MEP1B: variants seen among roughly 807,000 people sequenced by gnomAD.
MEP1B encodes the protein meprin A subunit beta, also known as N-benzoyl-L-tyrosyl-P-amino-benzoic acid hydrolase subunit beta.
Under a neutral mutation model 84.6 loss-of-function variants are expected in MEP1B, and 80 were observed. The observed-to-expected ratio is 0.95, with a 90% CI of 0.79 to 1.14. The LOEUF is 1.14. Ranked by LOEUF, MEP1B falls within the 50% of genes most tolerant of loss-of-function variation. The pLI is 0.00. For missense variants in MEP1B, 766 were observed against 855.1 expected (o/e 0.90, Z 1.30); for synonymous variants, 273 against 288.1 (o/e 0.95, Z 0.53).
chr18:32,192,844 T>C (rs976242556), intron 4 of MEP1B, 27 bp downstream of exon 4: 2 of 1,596,778 alleles, frequency 1.3e-6, no homozygotes, highest in African/African-American at 1.3e-5. Context: ...TAAGGAAGAA[T>C]CTTCCATTAA....
intron 9 of MEP1B, among the ~76,000 whole-genome samples, chr18:32,209,290 C>A (rs2040998148): frequency 1.3e-5 from 2 of 152,062 alleles, no homozygotes; most frequent in Non-Finnish European, 2.9e-5. Context: ...AGTTTGAGAC[C>A]AGCTGGGCCA....
chr18:32,201,335 G>A (rs999718400), intron 5 of MEP1B, among the ~76,000 whole-genome samples: 35 of 117,564 alleles, frequency 3.0e-4, no homozygotes, highest in African/African-American at 9.8e-4. Flanking sequence ...CACACACACG[G>A]CATACTATTT....
intron 2 of MEP1B, 31 bp downstream of exon 2, chr18:32,191,871 A>G (rs1206815669): frequency 1.4e-6 from 2 of 1,433,768 alleles, no homozygotes; most frequent in East Asian, 2.4e-5. Flanking sequence ...GTTCTAGGTT[A>G]TAGAGAACCT....
chr18:32,192,573 A>T (rs2040812518), intron 2 of MEP1B, 73 bp from the exon 3 acceptor site: 2 of 1,406,562 alleles, frequency 1.4e-6, no homozygotes, highest in South Asian at 2.3e-5. Context: ...AGTTCTGATT[A>T]TATAAATGAT....
intron 5 of MEP1B, among the ~76,000 whole-genome samples, chr18:32,199,464 G>A (rs1275332158): frequency 6.6e-6 from 1 of 152,158 alleles, no homozygotes; most frequent in African/African-American, 2.4e-5. Flanking sequence ...ACTAACAGTA[G>A]GGTAGGGAAA....
In MEP1B at chr18:32,213,107, C is replaced by T. The variant is rs199858802; in HGVS notation, c.1136-9C>T. On this transcript the variant is annotated splice_polypyrimidine_tract_variant and intron_variant, in intron 10 of 14. Transcript: ENST00000269202. The stretch of plus-strand genomic sequence containing the variant: ...CTTTGTCTTTGAAATAATAATGACT[C>T]TTTTGCAGAAATACCCACTGGGAGC... The T allele has an allele frequency of 3.7e-6, 6 of 1,609,902 alleles. No individual in the cohort carries two copies. The highest frequency in any genetic ancestry group is 4.2e-6 in the Non-Finnish European group (5 of 1,176,726).
rs886433982 is a variant in MEP1B, at chr18:32,196,506, G to T, written c.250+1021G>T. On this transcript the variant is annotated intron_variant, in intron 5 of 14. Transcript: ENST00000269202. This position sits in a 1 kb window ranked among gnomAD's most constrained non-coding sequence, Gnocchi z 4.4. Reference sequence around the variant, plus strand: ...CTCAGCTTTGCTCTCATAGACCGAGGTGATGAGGTGGTGGCCAAGGGCCAC... The same window carrying T: ...CTCAGCTTTGCTCTCATAGACCGAGTTGATGAGGTGGTGGCCAAGGGCCAC... 3 of 696,260 alleles carry T rather than the reference G, an allele frequency of 4.3e-6. No individual in the cohort carries two copies. The Admixed American group carries it at 6.0e-5, about 14-fold the overall frequency. 43.1% of individuals were successfully genotyped at this position (696,260 alleles called of 1,614,324 possible).
intron 9 of MEP1B, among the ~76,000 whole-genome samples, chr18:32,209,117 G>A (rs1568270270): frequency 6.6e-6 from 1 of 152,142 alleles, no homozygotes; most frequent in Non-Finnish European, 1.5e-5. Context: ...TAAATCGCCT[G>A]CTCCTAGAAC....
At chr18:32,193,940 A>T (rs183959784) in intron 4 of MEP1B, among the ~76,000 whole-genome samples, 1 of 152,258 alleles carries the variant, frequency 6.6e-6, no homozygotes, top group East Asian at 1.9e-4. Context: ...TGGTCTATCC[A>T]AGCACTAATT....
rs763049595 is a variant in MEP1B, at chr18:32,210,599, T to C, written c.1018T>C (p.Cys340Arg). The part of the protein sequence containing the change: ...RTLYPKRGFQ[C>R]LQFYLYNSGS... ...GCTGTACCCTAAAAGAGGATTTCAG[T>C]GCCTGCAATTTTACTTATATAACAG... Residue 340 changes from cysteine (C) to arginine (R), a missense_variant, in exon 10 of 15, where the codon TGC becomes CGC. By Grantham distance (180) the Cys-to-Arg change is radical. Coordinates refer to ENST00000269202, the MANE Select transcript of MEP1B (RefSeq NM_005925.3). 7 of 1,614,018 alleles carry C rather than the reference T, an allele frequency of 4.3e-6. No individual in the cohort carries two copies. Among genetic ancestry groups the C allele is most frequent in the Non-Finnish European group, 5.9e-6 (7 of 1,179,868 alleles).
intron 1 of MEP1B, among the ~76,000 whole-genome samples, chr18:32,190,748 T>C (rs1222960102): frequency 6.6e-6 from 1 of 152,128 alleles, no homozygotes; most frequent in Non-Finnish European, 1.5e-5. Context: ...TGAATACATG[T>C]TAAAGTGTAA....
intron 4 of MEP1B, 126 bp from the exon 5 acceptor site, chr18:32,195,281 C>A: frequency 1.6e-6 from 1 of 641,252 alleles, no homozygotes; most frequent in Non-Finnish European, 2.8e-6. Flanking sequence ...CACACACACA[C>A]ACACACACAA....
Position 32,196,336 on chromosome 18 carries a change from G to A in MEP1B, c.250+851G>A, listed in dbSNP as rs768535653. 6 of 702,578 alleles carry A rather than the reference G, an allele frequency of 8.5e-6. No individual in the cohort carries two copies. Among genetic ancestry groups the A allele is most frequent in the Non-Finnish European group, 1.6e-5 (6 of 376,714 alleles). 43.5% of individuals were successfully genotyped at this position (702,578 alleles called of 1,614,324 possible). ...GCCGTTGCGGTAGATCTCATGCATG[G>A]CGCGCCGCAGGGCCACGGCCAGCTG... On this transcript the variant is annotated intron_variant, in intron 5 of 14. Coordinates refer to ENST00000269202, the MANE Select transcript of MEP1B (RefSeq NM_005925.3). The surrounding 1 kb of genome is among the most constrained non-coding windows in gnomAD (Gnocchi z 4.4).
intron 6 of MEP1B, 92 bp downstream of exon 6, chr18:32,203,102 T>C: frequency 1.5e-6 from 1 of 688,818 alleles, no homozygotes; most frequent in Non-Finnish European, 2.4e-6. Flanking sequence ...CTCTGACCTT[T>C]AGGAAGGGGT....
chr18:32,210,840 T>C (rs1353600693), intron 10 of MEP1B, 124 bp downstream of exon 10: 10 of 742,374 alleles, frequency 1.3e-5, no homozygotes. Flanking sequence ...AACTAAGAAC[T>C]AGATTCTTGT....
At chr18:32,215,762 T>G (rs1415854105) in intron 12 of MEP1B, among the ~76,000 whole-genome samples, 5 of 152,106 alleles carry the variant, frequency 3.3e-5, no homozygotes, top group East Asian at 1.9e-4. Flanking sequence ...AGGCGGAGCT[T>G]GCAGTGAGCC....
At chr18:32,208,768 G>A (rs1336038110) in intron 9 of MEP1B, among the ~76,000 whole-genome samples, 9 of 152,126 alleles carry the variant, frequency 5.9e-5, no homozygotes, top group Non-Finnish European at 1.3e-4. Context: ...TTTGCCTTAA[G>A]TAGTTATTTG....
chr18:32,207,293 G>A lies in MEP1B; in HGVS notation c.589G>A (p.Asp197Asn), dbSNP rs910033104. The A allele has an allele frequency of 3.7e-6, 6 of 1,613,162 alleles. No individual in the cohort carries two copies. Among genetic ancestry groups the A allele is most frequent in the Non-Finnish European group, 5.1e-6 (6 of 1,179,332 alleles). The change falls in exon 8 of 15, where the codon GAT becomes AAT. Residue 197 changes from aspartate to asparagine, a missense_variant. Coordinates refer to ENST00000269202, the MANE Select transcript of MEP1B (RefSeq NM_005925.3). ...NFNTYSDDIS[D>N]SLNVPYDYTS... ...TAACACCTATAGTGACGATATATCA[G>A]ATTCCCTGAATGTTCCCTATGATTA... is the stretch of plus-strand genomic sequence containing the variant.
At chr18:32,201,901 G>C (rs946867727) in intron 5 of MEP1B, among the ~76,000 whole-genome samples, 34 of 152,092 alleles carry the variant, frequency 2.2e-4, no homozygotes, top group African/African-American at 8.2e-4. Flanking sequence ...TCTATGCAAT[G>C]GTTACTCTAG....
Sources: allele counts gnomAD v4.1 joint callset (sites outside exome capture counted in the v4.1 genomes callset), GRCh38; gene constraint gnomAD v4.1.1; non-coding constraint Gnocchi (gnomAD v3.1); transcripts MANE v1.5; gene names NCBI Gene and HGNC (gene_info 2026-07-23, HGNC 2026-07-21).